Variants in KRABD2 observed in about 807,000 individuals in gnomAD.
KRABD2 encodes the protein KRAB domain containing 2.
chr17:8,367,266 A>C, the KRABD2 span: 1 of 152,162 alleles, frequency 6.6e-6, no homozygotes, highest in Admixed American at 6.5e-5. Flanking sequence ...TGGGAGGCAG[A>C]GGCAGGTGGA....
chr17:8,366,925 T>C, the KRABD2 span, among the ~76,000 whole-genome samples: 3 of 152,012 alleles, frequency 2.0e-5, no homozygotes, highest in South Asian at 6.2e-4. Context: ...TTTCACCATG[T>C]TGGCCAGGCG....
chr17:8,369,560 C>A, the KRABD2 span: 1 of 1,614,220 alleles, frequency 6.2e-7, no homozygotes. Flanking sequence ...CAGGGTGGTA[C>A]TTACCAGATA....
the KRABD2 span, among the ~76,000 whole-genome samples, chr17:8,368,463 A>G: frequency 2.0e-5 from 3 of 152,114 alleles, no homozygotes; most frequent in South Asian, 6.2e-4. Context: ...ACACTGTCAC[A>G]AGCCAAGGAC....
chr17:8,364,667 C>T, the KRABD2 span, among the ~76,000 whole-genome samples: 1 of 152,098 alleles, frequency 6.6e-6, no homozygotes, highest in South Asian at 2.1e-4. This position sits in a 1 kb window ranked among gnomAD's most constrained non-coding sequence, Gnocchi z 4.4. Context: ...GCCGAGTTCT[C>T]AAGAGGTGCT....
At chr17:8,371,220 G>A in the KRABD2 span, 31 of 1,182,424 alleles carry the variant, frequency 2.6e-5, no homozygotes, top group African/African-American at 6.1e-5. Flanking sequence ...TTGGGGAATC[G>A]AGAAGAAAGC....
the KRABD2 span, among the ~76,000 whole-genome samples, chr17:8,362,483 C>G: frequency 6.6e-6 from 1 of 152,130 alleles, no homozygotes; most frequent in Non-Finnish European, 1.5e-5. The surrounding 1 kb of genome is among the most constrained non-coding windows in gnomAD (Gnocchi z 4.2). Context: ...AAGAGCCTGT[C>G]CTGGGGGAAT....
chr17:8,375,152 C>G, the KRABD2 span, among the ~76,000 whole-genome samples: 1 of 151,906 alleles, frequency 6.6e-6, no homozygotes, highest in East Asian at 2.0e-4. Flanking sequence ...GCCGGGACTA[C>G]AGGCACCTGC....
At chr17:8,363,830 C>CATACATATAT in the KRABD2 span, among the ~76,000 whole-genome samples, 67 of 86,932 alleles carry the variant, frequency 7.7e-4, no homozygotes, top group African/African-American at 2.1e-3. Context: ...ATATATCATA[C>CATACATATAT]ATATATATAT....
the KRABD2 span, chr17:8,376,032 TCAA>T: frequency 8.1e-7 from 1 of 1,231,642 alleles, no homozygotes; most frequent in East Asian, 3.2e-5. Context: ...CTCCTTCATC[TCAA>T]CAACCTGTAC....
the KRABD2 span, among the ~76,000 whole-genome samples, chr17:8,373,052 C>T: frequency 6.6e-6 from 1 of 152,198 alleles, no homozygotes; most frequent in African/African-American, 2.4e-5. Context: ...ATCTAATAGA[C>T]CTATTTTGGT....
chr17:8,368,352 G>A, the KRABD2 span, among the ~76,000 whole-genome samples: 1 of 152,192 alleles, frequency 6.6e-6, no homozygotes, highest in East Asian at 1.9e-4. Flanking sequence ...CTTAATAAGG[G>A]AAAAGTTCGG....
the KRABD2 span, chr17:8,375,731 C>A: frequency 1.8e-5 from 4 of 220,118 alleles, no homozygotes; most frequent in Admixed American, 6.7e-5. Context: ...GAGACGGGGT[C>A]TCATTATGTT....
chr17:8,359,062 T>C, the KRABD2 span, among the ~76,000 whole-genome samples: 1 of 152,132 alleles, frequency 6.6e-6, no homozygotes, highest in Non-Finnish European at 1.5e-5. Context: ...CTCCTCAGTC[T>C]TTCTTTGTCT....
chr17:8,359,303 G>A, the KRABD2 span, among the ~76,000 whole-genome samples: 3 of 152,278 alleles, frequency 2.0e-5, no homozygotes, highest in Non-Finnish European at 4.4e-5. Context: ...GTCTCTGAGC[G>A]AGGATCCTGC....
chr17:8,372,892 T>A, the KRABD2 span, among the ~76,000 whole-genome samples: 1 of 152,088 alleles, frequency 6.6e-6, no homozygotes, highest in East Asian at 1.9e-4. The surrounding 1 kb of genome is among the most constrained non-coding windows in gnomAD (Gnocchi z 4.1). Flanking sequence ...AGTGAGACCC[T>A]GTCTCTAAAA....
the KRABD2 span, chr17:8,369,583 C>A: frequency 1.2e-6 from 2 of 1,614,206 alleles, no homozygotes; most frequent in Non-Finnish European, 1.7e-6. Context: ...ATCTTTAGGT[C>A]TGGCCACAAC....
the KRABD2 span, among the ~76,000 whole-genome samples, chr17:8,374,046 G>A: frequency 6.6e-6 from 1 of 150,940 alleles, no homozygotes; most frequent in African/African-American, 2.4e-5. Context: ...GGGAGGTGGG[G>A]GGCAGCCCCC....
the KRABD2 span, chr17:8,370,399 G>A: frequency 2.1e-5 from 32 of 1,512,494 alleles, no homozygotes; most frequent in Non-Finnish European, 2.5e-5. Context: ...AAGAAAGGAA[G>A]AAAAGAGAAC....
At chr17:8,371,809 C>A in the KRABD2 span, 9 of 1,136,698 alleles carry the variant, frequency 7.9e-6, no homozygotes, top group Non-Finnish European at 9.7e-6. Context: ...AATATTATAT[C>A]TGTGTACATA....
Sources: allele counts gnomAD v4.1 joint callset (sites outside exome capture counted in the v4.1 genomes callset), GRCh38; gene constraint gnomAD v4.1.1; non-coding constraint Gnocchi (gnomAD v3.1); transcripts MANE v1.5; gene names NCBI Gene and HGNC (gene_info 2026-07-23, HGNC 2026-07-21).